HACD3: variants seen among roughly 807,000 people sequenced by gnomAD.
The protein encoded by HACD3 is very-long-chain (3R)-3-hydroxyacyl-CoA dehydratase 3.
A neutral mutation model predicts 55.2 loss-of-function variants in HACD3; 30 were observed. The ratio of observed to expected loss-of-function variants is 0.54; its 90% CI spans 0.41 to 0.74. The LOEUF is 0.74. Among genes scored for constraint, HACD3 ranks in the 30% least tolerant of loss-of-function variants. The probability of loss-of-function intolerance (pLI) is 0.00; values close to 1 mark genes in which losing one functional copy is unlikely to be tolerated. For synonymous variants in HACD3, 141 were observed against 151.7 expected (o/e 0.93, Z 0.52); for missense variants, 363 against 440.1 (o/e 0.82, Z 1.57).
intron 4 of HACD3, 67 bp from the exon 5 acceptor site, chr15:65,558,613 T>C (rs2072216471): frequency 6.9e-7 from 1 of 1,453,842 alleles, no homozygotes; most frequent in Non-Finnish European, 9.5e-7. Flanking sequence ...TCAGCCAGCA[T>C]ATGGACTTTT....
In HACD3 at chr15:65,572,275, C is replaced by T. The variant is rs907719193; in HGVS notation, c.921C>T (p.Thr307=). 5.6e-6 allele frequency: 9 copies of T among 1,613,102 alleles called. No individual in the cohort carries two copies. The highest frequency in any genetic ancestry group is 2.2e-5 in the East Asian group (1 of 44,872). The change falls in exon 10 of 11, where the codon ACC becomes ACT. Residue 307 remains threonine (T), a synonymous_variant. Transcript: ENST00000261875. The part of the protein sequence containing the change: ...VIQSIPIFNE[T]GRFSFTLPYP... Reference sequence around the variant, plus strand: ...AGTCCATTCCAATATTCAATGAGACCGGACGATTCAGTTTCACATTGCCAT... The same window carrying T: ...AGTCCATTCCAATATTCAATGAGACTGGACGATTCAGTTTCACATTGCCAT...
chr15:65,561,241 C>G (rs1260033640), intron 5 of HACD3, among the ~76,000 whole-genome samples: 4 of 152,104 alleles, frequency 2.6e-5, no homozygotes, highest in Admixed American at 6.5e-5. Context: ...CCAAGGTGGG[C>G]AGATCACCTG....
chr15:65,555,883 A>G (rs2072184139), intron 3 of HACD3, among the ~76,000 whole-genome samples: 1 of 152,200 alleles, frequency 6.6e-6, no homozygotes, highest in South Asian at 2.1e-4. Context: ...AATTGGATGC[A>G]GTACCCTTGA....
chr15:65,555,464 C>T (rs2072180057), intron 3 of HACD3, among the ~76,000 whole-genome samples: 1 of 151,808 alleles, frequency 6.6e-6, no homozygotes, highest in African/African-American at 2.4e-5. Flanking sequence ...AACTTCCCTT[C>T]CCTTAGAGCC....
Position 65,568,453 on chromosome 15 carries a change from C to T in HACD3, c.661-1638C>T, listed in dbSNP as rs182901327. ...GGCTCACTGCAACCTCGGCCTCCCACGTTCAAGCGATTCTCCTACCTCAGC... is the reference window on the plus strand; with the variant it reads ...GGCTCACTGCAACCTCGGCCTCCCATGTTCAAGCGATTCTCCTACCTCAGC... On this transcript the variant is annotated intron_variant, in intron 7 of 10. Coordinates refer to ENST00000261875, the MANE Select transcript of HACD3 (RefSeq NM_016395.4). 2.4e-3 allele frequency among the ~76,000 whole-genome samples: 366 copies of T among 150,474 alleles called. 3 individuals carry two copies. The highest frequency in any genetic ancestry group is 8.5e-3 in the African/African-American group (350 of 40,976).
rs1373283044 is a variant in HACD3, at chr15:65,578,349, A to G, written c.*1970A>G. 1 of 152,250 alleles carries G rather than the reference A, an allele frequency of 6.6e-6. No homozygotes were observed. Among genetic ancestry groups the G allele is most frequent in the Non-Finnish European group, 1.5e-5 (1 of 68,046 alleles). The allele number at this position is 152,250 out of a possible 1,614,324, so 9.4% of individuals were successfully genotyped here. A position where few individuals can be genotyped will look rare whatever the true frequency, so the allele number is the denominator to read the frequency against. On this transcript the variant is annotated 3_prime_UTR_variant, in exon 11 of 11. Transcript: ENST00000261875. ...TTCTATTAAAACATTTACAATCAAA[A>G]TTCTAATGACTGTGCTTAAAGATAA...
intron 1 of HACD3, among the ~76,000 whole-genome samples, chr15:65,537,525 T>A (rs927401646): frequency 6.6e-6 from 1 of 151,542 alleles, no homozygotes; most frequent in Non-Finnish European, 1.5e-5. Flanking sequence ...GCATGGTGGC[T>A]CATGTCTGTA....
Position 65,571,418 on chromosome 15 carries a change from A to T in HACD3, c.774-130A>T, listed in dbSNP as rs188218501. The T allele has an allele frequency of 2.3e-4, 149 of 644,584 alleles. 3 individuals carry two copies. The African/African-American group carries it at 2.4e-3, about 10-fold the overall frequency. 39.9% of individuals were successfully genotyped at this position (644,584 alleles called of 1,614,324 possible). ...GGCAGGAGTTTATGGGTTGATAGCC[A>T]GCGTTATAATTCTGTTCTGAAGAAG... is the stretch of plus-strand genomic sequence containing the variant. On this transcript the variant is annotated intron_variant, in intron 8 of 10. Coordinates refer to ENST00000261875, the MANE Select transcript of HACD3 (RefSeq NM_016395.4).
intron 10 of HACD3, among the ~76,000 whole-genome samples, chr15:65,574,053 G>A (rs74021133): frequency 5.3e-4 from 80 of 152,320 alleles, no homozygotes; most frequent in African/African-American, 1.9e-3. Context: ...GCCACAGAAG[G>A]ATGCAACAAT....
chr15:65,563,617 C>T (rs574337449), intron 6 of HACD3, among the ~76,000 whole-genome samples: 5 of 152,090 alleles, frequency 3.3e-5, no homozygotes, highest in East Asian at 1.9e-4. Flanking sequence ...TGCAGTAAGC[C>T]GTGATCATGA....
intron 1 of HACD3, among the ~76,000 whole-genome samples, chr15:65,547,755 G>A (rs777677704): frequency 5.9e-5 from 9 of 152,238 alleles, no homozygotes; most frequent in Non-Finnish European, 1.2e-4. Flanking sequence ...TAAAGGGTTA[G>A]ATAGCAGGTA....
At position 65,554,954 on chromosome 15, in the gene HACD3, A is replaced by G. The variant is rs1212837377; in HGVS notation, c.198A>G (p.Lys66=). Residue 66 remains lysine (K), a synonymous_variant, in exon 3 of 11, where the codon AAA becomes AAG. Transcript: ENST00000261875. ...ACCTGGAGTTCTTAGACCTTGTGAA[A>G]CCAGAGGTATGTTCTTTCCTTTCTC... ...EFHLEFLDLV[K]PEPVYKLTQR... is the part of the protein sequence containing the mutation. 5.0e-6 allele frequency: 8 copies of G among 1,603,378 alleles called. No individual in the cohort carries two copies. The Admixed American group carries it at 1.0e-4, about 20-fold the overall frequency.
At chr15:65,541,592 G>A (rs1440371804) in intron 1 of HACD3, among the ~76,000 whole-genome samples, 2 of 152,202 alleles carry the variant, frequency 1.3e-5, no homozygotes, top group African/African-American at 4.8e-5. Flanking sequence ...TAGATTGGAT[G>A]TTGACAGAAA....
chr15:65,548,923 A>G (rs1340037003), intron 1 of HACD3, among the ~76,000 whole-genome samples: 1 of 151,910 alleles, frequency 6.6e-6, no homozygotes, highest in East Asian at 1.9e-4. Flanking sequence ...ACTACTTGCT[A>G]TGTATGTTCC....
intron 10 of HACD3, 122 bp from the exon 11 acceptor site, chr15:65,576,181 C>A: frequency 7.1e-7 from 1 of 1,404,204 alleles, no homozygotes; most frequent in Non-Finnish European, 9.6e-7. Context: ...CCTTCCTGAG[C>A]CGCTGCAATA....
At chr15:65,537,457 T>C (rs2071965329) in intron 1 of HACD3, among the ~76,000 whole-genome samples, 1 of 152,066 alleles carries the variant, frequency 6.6e-6, no homozygotes, top group African/African-American at 2.4e-5. Context: ...TTGAAGCCAG[T>C]GCCCCTTTAC....
intron 1 of HACD3, among the ~76,000 whole-genome samples, chr15:65,550,226 A>G (rs753731874): frequency 1.3e-5 from 2 of 152,196 alleles, no homozygotes; most frequent in Non-Finnish European, 2.9e-5. Context: ...CGTCTCTGCA[A>G]AAATACAAAA....
At chr15:65,550,698 G>A (rs2072123673) in intron 1 of HACD3, 3 of 152,206 alleles carry the variant, frequency 2.0e-5, no homozygotes, top group African/African-American at 7.2e-5. Flanking sequence ...TGTGGGTTAG[G>A]ACTTCAGGAG....
At chr15:65,562,747 A>G in intron 5 of HACD3, 27 bp from the exon 6 acceptor site, 1 of 1,609,546 alleles carries the variant, frequency 6.2e-7, no homozygotes, top group Non-Finnish European at 8.5e-7. Flanking sequence ...TGCTTTTAAT[A>G]GCTTACTGCT....
Sources: gnomAD v4.1 joint callset for allele counts (sites outside exome capture counted in the v4.1 genomes callset) on GRCh38, gnomAD v4.1.1 for gene constraint, MANE v1.5 for transcripts, NCBI Gene and HGNC (gene_info 2026-07-23, HGNC 2026-07-21) for gene names.